The following NOVA1 variants were observed in gnomAD, a reference collection of about 807,000 sequenced individuals.
NOVA1 encodes the protein RNA-binding protein Nova-1.
In NOVA1, 7 loss-of-function variants were observed where a neutral mutation model predicts 38.0. The observed-to-expected ratio is 0.18, with a 90% confidence interval of 0.10 to 0.35. The LOEUF (loss-of-function observed/expected upper bound fraction) is 0.35, where lower values mean the gene tolerates loss of function less well. Among genes scored for constraint, NOVA1 ranks in the 10% least tolerant of loss-of-function variants. The pLI, the probability that NOVA1 is intolerant of heterozygous loss-of-function variation, is 1.00. For missense variants in NOVA1, 460 were observed against 616.0 expected (o/e 0.75, Z 2.68); for synonymous variants, 270 against 232.5 (o/e 1.16, Z -1.47).
At chr14:26,529,983 G>A (rs574262177) in intron 2 of NOVA1, among the ~76,000 whole-genome samples, 5 of 152,026 alleles carry the variant, frequency 3.3e-5, no homozygotes, top group Admixed American at 6.5e-5. Context: ...GCAGTGGCGC[G>A]ATCTCGGCTC....
chr14:26,530,140 G>C (rs923327417), intron 2 of NOVA1, among the ~76,000 whole-genome samples: 1 of 152,090 alleles, frequency 6.6e-6, no homozygotes, highest in African/African-American at 2.4e-5. Context: ...GGATGGTCTC[G>C]ATCTCCTGAC....
chr14:26,575,373 A>G (rs982624574), intron 2 of NOVA1, among the ~76,000 whole-genome samples: 1 of 152,190 alleles, frequency 6.6e-6, no homozygotes, highest in African/African-American at 2.4e-5. Flanking sequence ...AAAATAATAC[A>G]TAAGAAAGCT....
chr14:26,581,371 A>C (rs1893212213), intron 2 of NOVA1, among the ~76,000 whole-genome samples: 1 of 152,076 alleles, frequency 6.6e-6, no homozygotes, highest in Admixed American at 6.6e-5. Context: ...TAATTCAACA[A>C]ATCTTGAAAG....
At chr14:26,472,246 C>T (rs1481862703) in intron 4 of NOVA1, 74 bp downstream of exon 4, 2 of 862,434 alleles carry the variant, frequency 2.3e-6, no homozygotes, top group Non-Finnish European at 3.9e-6. Context: ...CCTTAACCCA[C>T]CATTATCTTT....
intron 2 of NOVA1, among the ~76,000 whole-genome samples, chr14:26,483,068 C>T (rs1341855283): frequency 6.6e-6 from 1 of 152,084 alleles, no homozygotes; most frequent in East Asian, 1.9e-4. Flanking sequence ...GGGGCAATGT[C>T]AAATACAGGC....
chr14:26,449,888 C>A (rs1474917077), intron 4 of NOVA1, among the ~76,000 whole-genome samples: 2 of 151,840 alleles, frequency 1.3e-5, no homozygotes, highest in Non-Finnish European at 2.9e-5. Flanking sequence ...CATCCAGCCA[C>A]AAAAATCAGC....
chr14:26,590,364 T>G (rs1893769509), intron 2 of NOVA1, among the ~76,000 whole-genome samples: 1 of 151,900 alleles, frequency 6.6e-6, no homozygotes, highest in African/African-American at 2.4e-5. Flanking sequence ...AAAGCAGAAC[T>G]TACTCATAAA....
intron 2 of NOVA1, among the ~76,000 whole-genome samples, chr14:26,490,563 G>A (rs578039618): frequency 1.4e-4 from 21 of 152,236 alleles, no homozygotes; most frequent in Non-Finnish European, 2.2e-4. Context: ...TTGGAGTTTC[G>A]ATTTGCACTT....
chr14:26,518,369 A>G (rs182241700), intron 2 of NOVA1, among the ~76,000 whole-genome samples: 33 of 152,148 alleles, frequency 2.2e-4, no homozygotes, highest in Admixed American at 7.2e-4. Flanking sequence ...AAGTATTGCC[A>G]TTATTATTAT....
chr14:26,570,739 G>A (rs1334000751), intron 2 of NOVA1, among the ~76,000 whole-genome samples: 2 of 152,024 alleles, frequency 1.3e-5, no homozygotes, highest in East Asian at 3.9e-4. Flanking sequence ...CTTTTAATAG[G>A]TCATGAAGCA....
At chr14:26,544,460 T>A (rs1474099685) in intron 2 of NOVA1, among the ~76,000 whole-genome samples, 1 of 149,962 alleles carries the variant, frequency 6.7e-6, no homozygotes, top group Non-Finnish European at 1.5e-5. Context: ...GTGAGGAGGG[T>A]GAAAACATAA....
chr14:26,470,179 T>C (rs1186275938), intron 4 of NOVA1: 3 of 884,136 alleles, frequency 3.4e-6, no homozygotes, highest in Non-Finnish European at 4.3e-6. Context: ...GTTCTTTTCA[T>C]TACAATTAGC....
Position 26,597,517 on chromosome 14 carries a change from T to TTC in NOVA1, c.-82_-81insGA, listed in dbSNP as rs958129066. 3 of 1,161,278 alleles carry TTC rather than the reference T, an allele frequency of 2.6e-6. No homozygotes were observed. Among genetic ancestry groups the TTC allele is most frequent in the Admixed American group, 4.7e-5 (1 of 21,184 alleles). 71.9% of individuals were successfully genotyped at this position (1,161,278 alleles called of 1,614,324 possible). A position where few individuals can be genotyped will look rare whatever the true frequency, so the allele number is the denominator to read the frequency against. ...TTTCTTTTCTTTTTTCTTTTTTTTT[T>TTC]TTTTTTTTTTTTGCGTTTGGGGTTT... is the stretch of plus-strand genomic sequence containing the variant. On this transcript the variant is annotated 5_prime_UTR_variant, in exon 1 of 5. Transcript: ENST00000539517.
At chr14:26,513,117 T>C (rs1054971284) in intron 2 of NOVA1, among the ~76,000 whole-genome samples, 1 of 152,024 alleles carries the variant, frequency 6.6e-6, no homozygotes, top group African/African-American at 2.4e-5. Flanking sequence ...CAATGCTTTA[T>C]GCACTTTGCC....
intron 2 of NOVA1, among the ~76,000 whole-genome samples, chr14:26,490,577 TA>T (rs1367710205): frequency 6.6e-6 from 1 of 152,238 alleles, no homozygotes; most frequent in Non-Finnish European, 1.5e-5. Context: ...TGCACTTTAC[TA>T]ATGACTAATA....
chr14:26,565,890 T>C (rs1259975800), intron 2 of NOVA1, among the ~76,000 whole-genome samples: 2 of 152,038 alleles, frequency 1.3e-5, no homozygotes, highest in African/African-American at 2.4e-5. Flanking sequence ...TGGGCTTTCA[T>C]ACAGAAAAAA....
intron 2 of NOVA1, among the ~76,000 whole-genome samples, chr14:26,525,181 A>C (rs1889209023): frequency 6.6e-6 from 1 of 152,116 alleles, no homozygotes; most frequent in South Asian, 2.1e-4. Flanking sequence ...AATAAGAAAA[A>C]CATCTGTCTG....
chr14:26,447,853 T>A lies in NOVA1; in HGVS notation c.*106A>T. ...AACATAGTCGCATTCATTTGCATAA[T>A]TATATATTAATAACAGAAAAACTTC... On this transcript the variant is annotated 3_prime_UTR_variant, in exon 5 of 5. Coordinates refer to ENST00000539517, the MANE Select transcript of NOVA1 (RefSeq NM_002515.3). The A allele has an allele frequency of 2.6e-6, 2 of 764,526 alleles. No individual in the cohort carries two copies. The highest frequency in any genetic ancestry group is 5.3e-5 in the East Asian group (2 of 37,814). The allele number at this position is 764,526 out of a possible 1,614,324, so 47.4% of individuals were successfully genotyped here.
intron 2 of NOVA1, among the ~76,000 whole-genome samples, chr14:26,535,002 G>T (rs1374293535): frequency 1.3e-5 from 2 of 152,070 alleles, no homozygotes; most frequent in Admixed American, 1.3e-4. Context: ...TTGGCCATCA[G>T]AACTGAAACA....
Sources: gnomAD v4.1 joint callset for allele counts (sites outside exome capture counted in the v4.1 genomes callset) on GRCh38, gnomAD v4.1.1 for gene constraint, MANE v1.5 for transcripts, NCBI Gene and HGNC (gene_info 2026-07-23, HGNC 2026-07-21) for gene names.